ZNF16: variants seen among roughly 807,000 people sequenced by gnomAD.
ZNF16 encodes zinc finger protein 16.
ZNF16 carries 7 observed loss-of-function variants against 9.0 expected under a neutral mutation model. The observed-to-expected ratio is 0.78, with a 90% CI of 0.44 to 1.47. The LOEUF (loss-of-function observed/expected upper bound fraction) is 1.47. Among genes scored for constraint, ZNF16 ranks in the 40% most tolerant of loss-of-function variants. The pLI is 0.01. For synonymous variants in ZNF16, 312 were observed against 301.5 expected (o/e 1.03, Z -0.36); for missense variants, 830 against 854.2 (o/e 0.97, Z 0.35).
At position 144,932,912 on chromosome 8, in the gene ZNF16, G is replaced by A. The variant is rs1427570742; in HGVS notation, c.197-322C>T. Reference sequence around the variant, plus strand: ...CTGTCCCTTGACTCCCCTCTTCCTCGACACCCACACCAAACCACTGGCAAG... The same window carrying A: ...CTGTCCCTTGACTCCCCTCTTCCTCAACACCCACACCAAACCACTGGCAAG... On this transcript the variant is annotated intron_variant, in intron 2 of 2. Transcript: ENST00000394909. This position sits in a 1 kb window ranked among gnomAD's most constrained non-coding sequence, Gnocchi z 5.0. Among the ~76,000 whole-genome samples, 2 of 152,110 alleles carry A rather than the reference G, an allele frequency of 1.3e-5. No individual in the cohort carries two copies. The highest frequency in any genetic ancestry group is 2.1e-4 in the South Asian group (1 of 4,828).
chr8:144,946,900 G>A (rs1242993819), intron 1 of ZNF16, among the ~76,000 whole-genome samples: 7 of 122,000 alleles, frequency 5.7e-5, no homozygotes, highest in Non-Finnish European at 9.7e-5. Context: ...GTCCTGCTGT[G>A]GGGCCTGTAC....
Position 144,931,369 on chromosome 8 carries a change from C to CTATA in ZNF16, c.1414_1417dup (p.Ser473IlefsTer2), listed in dbSNP as rs1833533627. The CTATA allele has an allele frequency of 6.2e-7, 1 of 1,614,088 alleles. No homozygotes were observed. The highest frequency in any genetic ancestry group is 1.7e-5 in the Admixed American group (1 of 60,008). On this transcript the variant is annotated stop_gained and frameshift_variant, in exon 3 of 3. Coordinates refer to ENST00000394909, the MANE Select transcript of ZNF16 (RefSeq NM_006958.3). LOFTEE classifies it low-confidence loss of function (END_TRUNC). ...GATCTGGTGCTTTCGGAGCACTGAG[C>CTATA]TATAACTAAAGGCTTTTCCACATAC...
rs762778216 is a variant in ZNF16, at chr8:144,931,762, A to G, written c.1025T>C (p.Ile342Thr). ...CACATACGGTTTCTCCCCAGAATGG[A>G]TTCTTTGATGTTGGATGAGGTTTGA... ...RSSNLIQHQR[I>T]HSGEKPYVCS... Residue 342 changes from isoleucine (I) to threonine (T), a missense_variant, in exon 3 of 3, where the codon ATC (isoleucine) becomes ACC (threonine). Ile to Thr is a moderately conservative substitution (Grantham distance 89). Transcript: ENST00000394909. 19 of 1,614,008 alleles carry G rather than the reference A, an allele frequency of 1.2e-5. No homozygotes were observed. In the South Asian group the frequency reaches 2.1e-4, roughly 18 times the overall value.
chr8:144,946,241 A>G, intron 1 of ZNF16, 26 bp from the exon 2 acceptor site: 1 of 1,491,664 alleles, frequency 6.7e-7, no homozygotes, highest in Non-Finnish European at 9.0e-7. Flanking sequence ...AACACAGGTG[A>G]GTCTACAGAC....
At position 144,933,512 on chromosome 8, in the gene ZNF16, T is replaced by G. The variant is rs1028151290; in HGVS notation, c.197-922A>C. 1.3e-5 allele frequency among the ~76,000 whole-genome samples: 2 copies of G among 152,134 alleles called. No homozygotes were observed. The highest frequency in any genetic ancestry group is 4.1e-4 in the South Asian group (2 of 4,830). The stretch of plus-strand genomic sequence containing the variant: ...GAACAAAGAAACCCTCATGTCCCTG[T>G]GTCCCTTACTCAAATGAAGATGTCA... On this transcript the variant is annotated intron_variant, in intron 2 of 2. Transcript: ENST00000394909. This position sits in a 1 kb window ranked among gnomAD's most constrained non-coding sequence, Gnocchi z 5.6.
rs1833612819 is a variant in ZNF16, at chr8:144,933,774, G to A, written c.197-1184C>T. Among the ~76,000 whole-genome samples, 1 of 152,184 alleles carries A rather than the reference G, an allele frequency of 6.6e-6. No homozygotes were observed. The highest frequency in any genetic ancestry group is 2.1e-4 in the South Asian group (1 of 4,832). ...CACCTTTGGGTCTGCCTTGCCCAGA[G>A]CACTCTCCACATGGCCCTCGTGCTA... On this transcript the variant is annotated intron_variant, in intron 2 of 2. Transcript: ENST00000394909. The surrounding 1 kb of genome is among the most constrained non-coding windows in gnomAD (Gnocchi z 5.6).
In ZNF16 at chr8:144,932,529, C is replaced by T. The variant is rs1411009049; in HGVS notation, c.258G>A (p.Leu86=). 1.2e-6 allele frequency: 2 copies of T among 1,614,072 alleles called. No homozygotes were observed. The highest frequency in any genetic ancestry group is 1.7e-6 in the Non-Finnish European group (2 of 1,180,036). Reference sequence around the variant, plus strand: ...TTTCTGATATTTCTGCCTGTGATTCCAAATCTTCATGAATGTCTTCCTTGT... The same window carrying T: ...TTTCTGATATTTCTGCCTGTGATTCTAAATCTTCATGAATGTCTTCCTTGT... The part of the protein sequence containing the change: ...FLHKEDIHED[L]ESQAEISENY... The change falls in exon 3 of 3, where the codon TTG becomes TTA. Residue 86 remains leucine (L), a synonymous_variant. Coordinates refer to ENST00000394909, the MANE Select transcript of ZNF16 (RefSeq NM_006958.3). The surrounding 1 kb of genome is among the most constrained non-coding windows in gnomAD (Gnocchi z 5.0).
rs957444750 is a variant in ZNF16, at chr8:144,933,187, G to A, written c.197-597C>T. 7.2e-5 allele frequency among the ~76,000 whole-genome samples: 11 copies of A among 152,284 alleles called. No homozygotes were observed. Among genetic ancestry groups the A allele is most frequent in the African/African-American group, 2.6e-4 (11 of 41,564 alleles). ...CCGTTGTACACAGAGAAGAAACCCA[G>A]CTGGCTCTCAGGGCCTGGCAAGTTG... On this transcript the variant is annotated intron_variant, in intron 2 of 2. Coordinates refer to ENST00000394909, the MANE Select transcript of ZNF16 (RefSeq NM_006958.3). The surrounding 1 kb of genome is among the most constrained non-coding windows in gnomAD (Gnocchi z 5.6).
Position 144,931,540 on chromosome 8 carries a change from C to A in ZNF16, c.1247G>T (p.Arg416Leu). Residue 416 changes from arginine (R) to leucine (L), a missense_variant, in exon 3 of 3, where the codon CGG (arginine) becomes CTG (leucine). Arg to Leu is a moderately radical substitution (Grantham distance 102). Coordinates refer to ENST00000394909, the MANE Select transcript of ZNF16 (RefSeq NM_006958.3). ...ECNDCGKPFS[R>L]VSNLIKHHRV... ...GTGGTGCTTAATGAGGTTGGAGACC[C>A]GACTGAAGGGCTTGCCACAATCATT... The A allele has an allele frequency of 6.2e-7, 1 of 1,613,058 alleles. No homozygotes were observed. Among genetic ancestry groups the A allele is most frequent in the Non-Finnish European group, 8.5e-7 (1 of 1,179,714 alleles).
Position 144,931,420 on chromosome 8 carries a change from G to A in ZNF16, c.1367C>T (p.Thr456Ile), listed in dbSNP as rs1444893525. Residue 456 changes from threonine (T) to isoleucine (I), a missense_variant, in exon 3 of 3, where the codon ACT (threonine) becomes ATT (isoleucine). Coordinates refer to ENST00000394909, the MANE Select transcript of ZNF16 (RefSeq NM_006958.3). ...ATTACACACGTGAGGCTTTTCTCCAGTGTGAATTCTCCGATGCTGAATAAG... is the reference window on the plus strand; with the variant it reads ...ATTACACACGTGAGGCTTTTCTCCAATGTGAATTCTCCGATGCTGAATAAG... ...SSLIQHRRIH[T>I]GEKPHVCNVC... The A allele has an allele frequency of 8.1e-6, 13 of 1,613,854 alleles. No individual in the cohort carries two copies. The highest frequency in any genetic ancestry group is 1.1e-5 in the Non-Finnish European group (13 of 1,179,992).
intron 2 of ZNF16, chr8:144,944,497 G>A (rs945690604): frequency 1.3e-5 from 2 of 151,244 alleles, no homozygotes; most frequent in Non-Finnish European, 2.9e-5. Context: ...TTACAGGTGT[G>A]AGCCACCATG....
intron 2 of ZNF16, among the ~76,000 whole-genome samples, chr8:144,938,115 C>G (rs1291265436): frequency 6.6e-6 from 1 of 152,276 alleles, no homozygotes; most frequent in Non-Finnish European, 1.5e-5. Context: ...GACTCTCAAT[C>G]TGATTCCACT....
In ZNF16 at chr8:144,931,079, GC is replaced by G; in HGVS notation, c.1707del (p.Leu570Ter). On this transcript the variant is annotated frameshift_variant, in exon 3 of 3. Coordinates refer to ENST00000394909, the MANE Select transcript of ZNF16 (RefSeq NM_006958.3). LOFTEE classifies it high-confidence loss of function. ...CACTGGTTACATTCATGGGGCTTCA[GC>G]CCATTATGAATCCTCTGATGCTGAA... The part of the protein sequence containing the change: ...TLIQHQRIHN[G>X]LKPHECNQCG... The G allele has an allele frequency of 6.2e-7, 1 of 1,614,172 alleles. No homozygotes were observed. Among genetic ancestry groups the G allele is most frequent in the Non-Finnish European group, 8.5e-7 (1 of 1,180,030 alleles).
At chr8:144,944,670 T>C (rs1220032380) in intron 2 of ZNF16, 2 of 152,270 alleles carry the variant, frequency 1.3e-5, no homozygotes, top group Admixed American at 6.5e-5. Flanking sequence ...TGCTTCGTTA[T>C]ATGCTTCATG....
At position 144,941,100 on chromosome 8, in the gene ZNF16, G is replaced by A. The variant is rs905246393; in HGVS notation, c.196+4911C>T. Among the ~76,000 whole-genome samples the A allele has an allele frequency of 9.2e-5, 14 of 152,124 alleles. 1 individual carries two copies. The highest frequency in any genetic ancestry group is 3.3e-4 in the Admixed American group (5 of 15,268). On this transcript the variant is annotated intron_variant, in intron 2 of 2. Coordinates refer to ENST00000394909, the MANE Select transcript of ZNF16 (RefSeq NM_006958.3). ...CCATTAGGTCTAGTTGGGTTGTAAC[G>A]CTGTTCAAATCCCCTAGTTCCTTAG...
At chr8:144,939,622 GCCA>G (rs1833757992) in intron 2 of ZNF16, among the ~76,000 whole-genome samples, 1 of 119,102 alleles carries the variant, frequency 8.4e-6, no homozygotes, top group Admixed American at 8.7e-5. Flanking sequence ...AAAAAAAAAA[GCCA>G]TTGTGGTCCT....
intron 1 of ZNF16, among the ~76,000 whole-genome samples, chr8:144,950,191 T>C (rs894078686): frequency 6.6e-6 from 1 of 152,094 alleles, no homozygotes; most frequent in Non-Finnish European, 1.5e-5. Flanking sequence ...TTTGCTCACA[T>C]GCTTTTTTTT....
intron 2 of ZNF16, among the ~76,000 whole-genome samples, chr8:144,934,896 G>A (rs909720740): frequency 1.3e-5 from 2 of 152,166 alleles, no homozygotes; most frequent in African/African-American, 4.8e-5. Context: ...TTAGCTTGCA[G>A]GACATAAAAA....
At chr8:144,946,321 T>A in intron 1 of ZNF16, 106 bp from the exon 2 acceptor site, 1 of 1,120,342 alleles carries the variant, frequency 8.9e-7, no homozygotes, top group Non-Finnish European at 1.2e-6. Context: ...GCCCAAGACC[T>A]GAAGAGGGCC....
Sources: allele counts gnomAD v4.1 joint callset (sites outside exome capture counted in the v4.1 genomes callset), GRCh38; gene constraint gnomAD v4.1.1; non-coding constraint Gnocchi (gnomAD v3.1); transcripts MANE v1.5; gene names NCBI Gene and HGNC (gene_info 2026-07-23, HGNC 2026-07-21).